HDGF: variants seen among roughly 807,000 people sequenced by gnomAD.
HDGF encodes heparin binding growth factor.
A neutral mutation model predicts 30.0 loss-of-function variants in HDGF; 5 were observed. The ratio of observed to expected loss-of-function variants is 0.17; its 90% confidence interval spans 0.09 to 0.35. HDGF has a LOEUF of 0.35. Among genes scored for constraint, HDGF ranks in the 10% least tolerant of loss-of-function variants. The pLI, the probability that HDGF is intolerant of heterozygous loss-of-function variation, is 1.00. For missense variants in HDGF, 214 were observed against 302.8 expected (o/e 0.71, Z 2.18); for synonymous variants, 133 against 112.7 (o/e 1.18, Z -1.14).
upstream of HDGF, among the ~76,000 whole-genome samples, chr1:156,754,333 C>T (rs542665254): frequency 6.2e-4 from 95 of 152,330 alleles, no homozygotes; most frequent in African/African-American, 2.2e-3. Flanking sequence ...TGGAAATGGG[C>T]TTCTAAATTC....
chr1:156,752,258 G>A (rs1477145762), upstream of HDGF: 24 of 1,551,798 alleles, frequency 1.5e-5, no homozygotes, highest in East Asian at 5.9e-4. Context: ...GAAACGTCGG[G>A]GATTTGAGCC....
At chr1:156,757,785 T>C (rs1279093860) in intron 2 of HDGF, among the ~76,000 whole-genome samples, 1 of 136,374 alleles carries the variant, frequency 7.3e-6, no homozygotes, top group East Asian at 2.1e-4. Context: ...AGACTCTGTC[T>C]CAAAAAAAAA....
In HDGF at chr1:156,742,408, A is replaced by G. The variant is rs1189107766; in HGVS notation, c.*1041T>C. The G allele has an allele frequency of 6.6e-6, 1 of 152,656 alleles. No individual in the cohort carries two copies. The highest frequency in any genetic ancestry group is 2.4e-5 in the African/African-American group (1 of 41,428). 9.5% of individuals were successfully genotyped at this position (152,656 alleles called of 1,614,324 possible). On this transcript the variant is annotated 3_prime_UTR_variant, in exon 6 of 6. Transcript: ENST00000357325. ...AAGGAACATCAAAGCCCCAGCTACA[A>G]AAAGAAAGTCATCAAGCCCCAAATA...
intron 1 of HDGF, among the ~76,000 whole-genome samples, chr1:156,759,479 C>CTTTTT (rs540212944): frequency 3.1e-4 from 39 of 124,594 alleles, no homozygotes; most frequent in African/African-American, 3.3e-4. Context: ...ATACCCCATT[C>CTTTTT]TTTTTTTTTT....
intron 2 of HDGF, among the ~76,000 whole-genome samples, chr1:156,758,439 AAAC>A: frequency 6.6e-6 from 1 of 151,882 alleles, no homozygotes; most frequent in Admixed American, 6.6e-5. Flanking sequence ...AAAATACAAA[AAAC>A]ATTCACTGGG....
At chr1:156,764,151 C>T (rs2102743253) in intron 1 of HDGF, among the ~76,000 whole-genome samples, 1 of 152,312 alleles carries the variant, frequency 6.6e-6, no homozygotes, top group African/African-American at 2.4e-5. Flanking sequence ...CTCTTAGACT[C>T]AAGGGCTTCT....
chr1:156,757,683 C>T (rs72698610), intron 2 of HDGF, among the ~76,000 whole-genome samples: 2,855 of 150,668 alleles, frequency 0.019, 43 homozygotes, highest in Non-Finnish European at 0.027. Flanking sequence ...GTCCCAGATA[C>T]TTCGGAGGCT....
chr1:156,758,604 T>TAAAAAA (rs369799205), intron 2 of HDGF, among the ~76,000 whole-genome samples: 4 of 96,484 alleles, frequency 4.1e-5, no homozygotes, highest in East Asian at 5.1e-4. Context: ...AAAAAAAAAA[T>TAAAAAA]AAATAAATAA....
rs1297760650 is a variant in HDGF, at chr1:156,742,246, G to A, written c.*1203C>T. 6.5e-6 allele frequency: 1 copy of A among 152,674 alleles called. No homozygotes were observed. Among genetic ancestry groups the A allele is most frequent in the Non-Finnish European group, 1.5e-5 (1 of 68,060 alleles). The allele number at this position is 152,674 out of a possible 1,614,324, so 9.5% of individuals were successfully genotyped here. A position where few individuals can be genotyped will look rare whatever the true frequency, so the allele number is the denominator to read the frequency against. On this transcript the variant is annotated 3_prime_UTR_variant, in exon 6 of 6. Coordinates refer to ENST00000357325, the MANE Select transcript of HDGF (RefSeq NM_004494.3). ...AGGGTAAAAGAGACGAGACTGTAGA[G>A]AGGCATAGAGAGACCAGTAGGAAGA...
At chr1:156,744,657 G>T in intron 3 of HDGF, 1 of 693,566 alleles carries the variant, frequency 1.4e-6, no homozygotes, top group Non-Finnish European at 2.0e-6. Context: ...CCACCCTCCC[G>T]CCTCGTCCTG....
chr1:156,750,715 G>A (rs531917470), intron 1 of HDGF: 374 of 152,406 alleles, frequency 2.5e-3, no homozygotes, highest in Admixed American at 4.0e-3. Context: ...GGTTCTGACG[G>A]ATAATTTCCA....
chr1:156,744,880 C>G, intron 3 of HDGF, 128 bp downstream of exon 3: 1 of 1,130,720 alleles, frequency 8.8e-7, no homozygotes, highest in Non-Finnish European at 1.3e-6. Flanking sequence ...TTCCCACCAC[C>G]CTGATTAGCT....
At position 156,751,643 on chromosome 1, in the gene HDGF, G is replaced by C; in HGVS notation, c.-214C>G. 1.0e-6 allele frequency: 1 copy of C among 1,001,550 alleles called. No individual in the cohort carries two copies. Among genetic ancestry groups the C allele is most frequent in the South Asian group, 4.4e-5 (1 of 22,918 alleles). 62.0% of individuals were successfully genotyped at this position (1,001,550 alleles called of 1,614,324 possible). Reference sequence around the variant, plus strand: ...CGGATCGGGGCAAGGCTCCGGCGCGGTGGGTGCGCGCTCGTGCAGTTGTTT... The same window carrying C: ...CGGATCGGGGCAAGGCTCCGGCGCGCTGGGTGCGCGCTCGTGCAGTTGTTT... On this transcript the variant is annotated 5_prime_UTR_variant, in exon 1 of 6. Transcript: ENST00000357325. The surrounding 1 kb of genome is among the most constrained non-coding windows in gnomAD (Gnocchi z 4.7).
chr1:156,756,251 C>CAATA (rs538566857), upstream of HDGF, among the ~76,000 whole-genome samples: 194 of 151,838 alleles, frequency 1.3e-3, no homozygotes, highest in East Asian at 3.9e-3. Flanking sequence ...GACTAGGTCT[C>CAATA]AATAAATAAA....
upstream of HDGF, among the ~76,000 whole-genome samples, chr1:156,754,147 C>T (rs930850669): frequency 2.6e-5 from 4 of 152,086 alleles, no homozygotes; most frequent in African/African-American, 7.2e-5. Flanking sequence ...AACTCCTGAC[C>T]TTGTCATCCA....
upstream of HDGF, chr1:156,751,944 C>T: frequency 8.4e-7 from 1 of 1,183,512 alleles, no homozygotes; most frequent in South Asian, 1.5e-5. The surrounding 1 kb of genome is among the most constrained non-coding windows in gnomAD (Gnocchi z 4.7). Context: ...CTTTGTGTGC[C>T]CGCGGTCGGT....
upstream of HDGF, chr1:156,751,987 C>A (rs1282585433): frequency 2.6e-6 from 4 of 1,517,328 alleles, no homozygotes; most frequent in African/African-American, 1.4e-5. This position sits in a 1 kb window ranked among gnomAD's most constrained non-coding sequence, Gnocchi z 4.7. Flanking sequence ...AGCTGGCGCC[C>A]GGCTGGACGG....
chr1:156,749,031 T>C (rs904133277), intron 1 of HDGF, among the ~76,000 whole-genome samples: 2 of 152,148 alleles, frequency 1.3e-5, no homozygotes, highest in African/African-American at 4.8e-5. Flanking sequence ...TGTTAAGAAC[T>C]TGGAGATCCC....
intron 1 of HDGF, among the ~76,000 whole-genome samples, chr1:156,749,700 C>T (rs1650833439): frequency 6.6e-6 from 1 of 152,214 alleles, no homozygotes; most frequent in African/African-American, 2.4e-5. Context: ...AGGTCTTCCT[C>T]ACAGGGGCCA....
Sources: gnomAD v4.1 joint callset for allele counts (sites outside exome capture counted in the v4.1 genomes callset) on GRCh38, gnomAD v4.1.1 for gene constraint, Gnocchi (gnomAD v3.1) non-coding constraint, MANE v1.5 for transcripts, NCBI Gene and HGNC (gene_info 2026-07-23, HGNC 2026-07-21) for gene names.